Variants in PRRC2B observed in about 807,000 individuals in gnomAD.
PRRC2B encodes protein PRRC2B.
A neutral mutation model predicts 242.3 loss-of-function variants in PRRC2B; 68 were observed. That is an observed-to-expected ratio of 0.28 (90% confidence interval 0.23 to 0.34). The LOEUF (loss-of-function observed/expected upper bound fraction) is 0.34. Ranked by LOEUF, PRRC2B falls within the 10% of genes least tolerant of loss-of-function variation. The pLI is 1.00. For synonymous variants in PRRC2B, 1,228 were observed against 1,173.6 expected, an observed-to-expected ratio of 1.05 and a Z score of -0.95; for missense variants, 2,835 against 2,954.8, an observed-to-expected ratio of 0.96 and a Z score of 0.94.
intron 18 of PRRC2B, among the ~76,000 whole-genome samples, chr9:131,478,959 G>C (rs761667592): frequency 6.6e-6 from 1 of 152,098 alleles, no homozygotes; most frequent in Non-Finnish European, 1.5e-5. Context: ...CCTCATTCCT[G>C]AGTGGAATGA....
chr9:131,483,897 T>G (rs146117163), intron 23 of PRRC2B, among the ~76,000 whole-genome samples: 1 of 152,346 alleles, frequency 6.6e-6, no homozygotes, highest in African/African-American at 2.4e-5. Context: ...CACTCGGGGC[T>G]GCAGCTGAGG....
intron 1 of PRRC2B, among the ~76,000 whole-genome samples, chr9:131,379,165 T>A (rs1232061846): frequency 6.6e-6 from 1 of 152,216 alleles, no homozygotes; most frequent in Non-Finnish European, 1.5e-5. Flanking sequence ...GTGTCAGCAC[T>A]TCTTTCCTTG....
chr9:131,478,442 A>G (rs1943765660), intron 17 of PRRC2B, 32 bp from the exon 18 acceptor site: 1 of 1,607,884 alleles, frequency 6.2e-7, no homozygotes, highest in Non-Finnish European at 8.5e-7. Context: ...GTGAGTGGAA[A>G]GACTGTTCCT....
chr9:131,390,781 CTTTTTTTT>C (rs57100225), upstream of PRRC2B, among the ~76,000 whole-genome samples: 12 of 36,946 alleles, frequency 3.2e-4, no homozygotes, highest in Non-Finnish European at 3.5e-4. Context: ...TGTGCCCTAG[CTTTTTTTT>C]TTTTTTTTTT....
In PRRC2B at chr9:131,435,613, T is replaced by TA. The variant is rs66831387; in HGVS notation, c.294-982dup. 3.6e-4 allele frequency among the ~76,000 whole-genome samples: 53 copies of TA among 147,072 alleles called. 1 individual carries two copies. Among genetic ancestry groups the TA allele is most frequent in the African/African-American group, 1.3e-3 (52 of 38,820 alleles). On this transcript the variant is annotated intron_variant, in intron 3 of 31. Transcript: ENST00000683519. ...CTGGGCGGCAGAATGAGACTCCATC[T>TA]AAAAAAAAAAAAAAAAAAAAAAAAA...
intron 6 of PRRC2B, among the ~76,000 whole-genome samples, chr9:131,445,529 CTA>C (rs1838770511): frequency 6.6e-6 from 1 of 152,190 alleles, no homozygotes; most frequent in Non-Finnish European, 1.5e-5. Context: ...CCTTGTGGGA[CTA>C]TAAAAACGTA....
intron 1 of PRRC2B, among the ~76,000 whole-genome samples, chr9:131,421,856 C>T (rs1837850086): frequency 6.6e-6 from 1 of 152,160 alleles, no homozygotes; most frequent in African/African-American, 2.4e-5. Flanking sequence ...TGAGCCTGGG[C>T]TGACTTATAT....
At position 131,486,126 on chromosome 9, in the gene PRRC2B, G is replaced by T; in HGVS notation, c.5800G>T (p.Ala1934Ser). The T allele has an allele frequency of 2.5e-6, 4 of 1,613,300 alleles. No individual in the cohort carries two copies. The highest frequency in any genetic ancestry group is 1.7e-6 in the Non-Finnish European group (2 of 1,179,606). ...CCTGTACCTGGATGGCCATGTGTTT[G>T]CAAGTCAGCCCCGGCTGGTTCCTCA... ...PPLYLDGHVF[A>S]SQPRLVPQTI... Residue 1934 changes from alanine to serine, a missense_variant, in exon 26 of 32, where the codon GCA (alanine) becomes TCA (serine). By Grantham distance (99) the Ala-to-Ser change is moderately conservative. Coordinates refer to ENST00000683519, the MANE Select transcript of PRRC2B (RefSeq NM_013318.4).
At position 131,475,713 on chromosome 9, in the gene PRRC2B, G is replaced by A. The variant is rs777608814; in HGVS notation, c.3584G>A (p.Ser1195Asn). 6.2e-6 allele frequency: 10 copies of A among 1,613,074 alleles called. No individual in the cohort carries two copies. In the African/African-American group the frequency reaches 1.1e-4, roughly 17 times the overall value. Reference sequence around the variant, plus strand: ...GACCACAGCGGTCTAGATGCCAAGAGCCGAGGCCCTCGGGCCTTTGGGCGA... The same window carrying A: ...GACCACAGCGGTCTAGATGCCAAGAACCGAGGCCCTCGGGCCTTTGGGCGA... ...SEDHSGLDAK[S>N]RGPRAFGRAL... The change falls in exon 16 of 32, where the codon AGC becomes AAC. Residue 1195 changes from serine (S) to asparagine (N), a missense_variant. Around this residue, in one of 7 missense-constraint regions of PRRC2B, gnomAD observed 1,536 missense variants for 1,483.1 expected, o/e 1.04. Coordinates refer to ENST00000683519, the MANE Select transcript of PRRC2B (RefSeq NM_013318.4).
intron 1 of PRRC2B, among the ~76,000 whole-genome samples, chr9:131,387,440 A>T (rs934332799): frequency 6.7e-6 from 1 of 150,250 alleles, no homozygotes; most frequent in Non-Finnish European, 1.5e-5. Context: ...ACACCCTCAC[A>T]GACACACCCA....
chr9:131,474,342 T>G lies in PRRC2B; in HGVS notation c.2325-112T>G. The G allele has an allele frequency of 4.6e-6, 4 of 870,806 alleles. No homozygotes were observed. The South Asian group carries it at 8.1e-5, about 18-fold the overall frequency. 53.9% of individuals were successfully genotyped at this position (870,806 alleles called of 1,614,324 possible). On this transcript the variant is annotated intron_variant, in intron 15 of 31. Transcript: ENST00000683519. ...TTTTTCTAGCTTTCTTTTTAAAAAG[T>G]GTTTTAGTTTTTGTTTTTGTTTTTT...
chr9:131,427,825 A>G (rs1023727331), intron 1 of PRRC2B, among the ~76,000 whole-genome samples: 2 of 152,210 alleles, frequency 1.3e-5, no homozygotes, highest in African/African-American at 2.4e-5. Context: ...CCATTATGTC[A>G]TTGAGGACAT....
chr9:131,378,980 A>G (rs1444195086), intron 1 of PRRC2B, among the ~76,000 whole-genome samples: 1 of 152,150 alleles, frequency 6.6e-6, no homozygotes, highest in Non-Finnish European at 1.5e-5. Context: ...CGGCCTTCCA[A>G]CGTGCTGGGA....
At chr9:131,439,158 T>C in intron 5 of PRRC2B, 97 bp downstream of exon 5, 1 of 974,252 alleles carries the variant, frequency 1.0e-6, no homozygotes, top group Non-Finnish European at 1.6e-6. Flanking sequence ...ACCCAGAAGC[T>C]TTGAGGACTC....
Position 131,487,038 on chromosome 9 carries a change from A to T in PRRC2B, c.5857-129A>T. Reference sequence around the variant, plus strand: ...CAATAGCAAGGGAAGCCCAGGAATGACATGCTGGCATTTGAATTTTGGGCA... The same window carrying T: ...CAATAGCAAGGGAAGCCCAGGAATGTCATGCTGGCATTTGAATTTTGGGCA... On this transcript the variant is annotated intron_variant, in intron 26 of 31. Transcript: ENST00000683519. The surrounding 1 kb of genome is among the most constrained non-coding windows in gnomAD (Gnocchi z 5.3). 1 of 778,976 alleles carries T rather than the reference A, an allele frequency of 1.3e-6. No homozygotes were observed. The highest frequency in any genetic ancestry group is 2.1e-6 in the Non-Finnish European group (1 of 466,988). 48.3% of individuals were successfully genotyped at this position (778,976 alleles called of 1,614,324 possible). A position where few individuals can be genotyped will look rare whatever the true frequency, so the allele number is the denominator to read the frequency against.
At chr9:131,412,088 T>C (rs1054937683) in intron 1 of PRRC2B, among the ~76,000 whole-genome samples, 1 of 152,170 alleles carries the variant, frequency 6.6e-6, no homozygotes, top group Non-Finnish European at 1.5e-5. Context: ...ATTACAGGTG[T>C]GAGCCACTGT....
chr9:131,492,197 A>G lies in PRRC2B; in HGVS notation c.6410A>G (p.His2137Arg). 6.2e-7 allele frequency: 1 copy of G among 1,613,828 alleles called. No individual in the cohort carries two copies. The highest frequency in any genetic ancestry group is 8.5e-7 in the Non-Finnish European group (1 of 1,179,842). ...TCTCAGATGGAGATGAAAGGCTTCC[A>G]CTTTGCCGACAGTAAACAGAATGTC... ...EPSQMEMKGF[H>R]FADSKQNVPS... The change falls in exon 30 of 32, where the codon CAC becomes CGC. Residue 2137 changes from histidine (H) to arginine (R), a missense_variant. Coordinates refer to ENST00000683519, the MANE Select transcript of PRRC2B (RefSeq NM_013318.4).
chr9:131,438,628 G>A (rs1430936128), intron 4 of PRRC2B, among the ~76,000 whole-genome samples: 1 of 152,146 alleles, frequency 6.6e-6, no homozygotes, highest in Non-Finnish European at 1.5e-5. Context: ...TTTGTCGCTG[G>A]AGCAAAATAA....
chr9:131,459,691 C>T (rs765218049), intron 11 of PRRC2B, among the ~76,000 whole-genome samples: 1 of 151,802 alleles, frequency 6.6e-6, no homozygotes, highest in African/African-American at 2.4e-5. Context: ...CTGTGTGCTG[C>T]CACACCTGGC....
Sources: gnomAD v4.1 joint callset for allele counts (sites outside exome capture counted in the v4.1 genomes callset) on GRCh38, gnomAD v4.1.1 for gene constraint, gnomAD v4.1.1 regional missense constraint, Gnocchi (gnomAD v3.1) non-coding constraint, MANE v1.5 for transcripts, NCBI Gene and HGNC (gene_info 2026-07-23, HGNC 2026-07-21) for gene names.